Variants in NOTCH2NLC observed in about 807,000 individuals in gnomAD.
The protein encoded by NOTCH2NLC is notch 2 N-terminal like C.
In NOTCH2NLC, 4 loss-of-function variants were observed where a neutral mutation model predicts 17.7. The ratio of observed to expected loss-of-function variants is 0.23; its 90% CI spans 0.11 to 0.52. The LOEUF is 0.52. NOTCH2NLC is among the 20% of genes least tolerant of loss of function. NOTCH2NLC has a pLI of 0.96. For missense variants in NOTCH2NLC, 57 were observed against 207.2 expected (o/e 0.28, Z 4.45); for synonymous variants, 18 against 86.0 (o/e 0.21, Z 4.38).
At chr1:149,444,814 G>T (rs1447984498) in intron 2 of NOTCH2NLC, among the ~76,000 whole-genome samples, 1 of 138,874 alleles carries the variant, frequency 7.2e-6, no homozygotes, top group Non-Finnish European at 1.6e-5. Flanking sequence ...TAAGGCCCTA[G>T]AAAAACTACA....
chr1:149,401,147 C>CT (rs2084244547), intron 1 of NOTCH2NLC, among the ~76,000 whole-genome samples: 1 of 147,094 alleles, frequency 6.8e-6, no homozygotes, highest in Non-Finnish European at 1.5e-5. Context: ...GAGTAGATTG[C>CT]TTTTTTTCCA....
intron 1 of NOTCH2NLC, among the ~76,000 whole-genome samples, chr1:149,392,781 TTAAG>T (rs1439501918): frequency 6.6e-6 from 1 of 151,118 alleles, no homozygotes; most frequent in Non-Finnish European, 1.5e-5. Flanking sequence ...ATTTGAAAAA[TTAAG>T]TATTGGCCGG....
intron 1 of NOTCH2NLC, among the ~76,000 whole-genome samples, chr1:149,426,498 G>C (rs1463720839): frequency 7.9e-6 from 1 of 126,300 alleles, no homozygotes; most frequent in Non-Finnish European, 1.7e-5. Flanking sequence ...TATGAAAATT[G>C]GAAATTGGCT....
At chr1:149,421,465 C>T (rs1205910209) in intron 1 of NOTCH2NLC, among the ~76,000 whole-genome samples, 1 of 141,268 alleles carries the variant, frequency 7.1e-6, no homozygotes, top group Non-Finnish European at 1.5e-5. Context: ...CGCCACTGCA[C>T]TCCAGCCTGG....
intron 1 of NOTCH2NLC, among the ~76,000 whole-genome samples, chr1:149,415,083 T>C (rs1434265300): frequency 9.0e-6 from 1 of 111,162 alleles, no homozygotes; most frequent in Non-Finnish European, 1.8e-5. Context: ...GATGATTAGT[T>C]TGGTTCATAA....
intron 3 of NOTCH2NLC, among the ~76,000 whole-genome samples, chr1:149,460,331 AC>A (rs2084635051): frequency 7.7e-6 from 1 of 130,180 alleles, no homozygotes; most frequent in Admixed American, 7.7e-5. Context: ...GATTCTGATC[AC>A]CTTTTTTTTT....
In NOTCH2NLC at chr1:149,464,919, G is replaced by C. The variant is rs2084676248; in HGVS notation, c.*766G>C. On this transcript the variant is annotated 3_prime_UTR_variant, in exon 5 of 5. Transcript: ENST00000650865. ...ATGGGATTGTGTGTTTTATTTTGGA[G>C]GAATTAAAGGTCATAGTTTGGTCCT... 6.8e-6 allele frequency: 1 copy of C among 147,962 alleles called. No individual in the cohort carries two copies. The highest frequency in any genetic ancestry group is 2.5e-5 in the African/African-American group (1 of 40,294). 9.2% of individuals were successfully genotyped at this position (147,962 alleles called of 1,614,324 possible). A position where few individuals can be genotyped will look rare whatever the true frequency, so the allele number is the denominator to read the frequency against.
At chr1:149,419,853 ATATTTTTT>A (rs2084369041) in intron 1 of NOTCH2NLC, among the ~76,000 whole-genome samples, 1 of 110,910 alleles carries the variant, frequency 9.0e-6, no homozygotes, top group African/African-American at 3.6e-5. Flanking sequence ...ATATATATAT[ATATTTTTT>A]TTTTTTTTTT....
rs2084717623 is a variant in NOTCH2NLC at position 149,471,289 on chromosome 1, TTGA to T, written c.*7141_*7143del. ...TTCTATGTACTGTCTTTTCACATTC[TTGA>T]TGATATACTTTTCAGCCCAAATGTT... On this transcript the variant is annotated 3_prime_UTR_variant, in exon 5 of 5. Transcript: ENST00000650865. 6.6e-6 allele frequency among the ~76,000 whole-genome samples: 1 copy of T among 151,014 alleles called. No individual in the cohort carries two copies. The highest frequency in any genetic ancestry group is 2.4e-5 in the African/African-American group (1 of 41,132).
chr1:149,392,593 A>G (rs2084175369), intron 1 of NOTCH2NLC, among the ~76,000 whole-genome samples: 1 of 151,048 alleles, frequency 6.6e-6, no homozygotes, highest in Non-Finnish European at 1.5e-5. Flanking sequence ...TAGCTTTAGG[A>G]TAGAGAGGAG....
Position 149,445,842 on chromosome 1 carries a change from A to G in NOTCH2NLC, c.210-9476A>G, listed in dbSNP as rs1424664099. Among the ~76,000 whole-genome samples the G allele has an allele frequency of 1.8e-3, 224 of 126,802 alleles. 4 individuals carry two copies. Among genetic ancestry groups the G allele is most frequent in the Middle Eastern group, 9.4e-3 (2 of 212 alleles). 83.2% of individuals were successfully genotyped at this position (126,802 alleles called of 152,430 possible). On this transcript the variant is annotated intron_variant, in intron 2 of 4. Coordinates refer to ENST00000650865, the MANE Select transcript of NOTCH2NLC (RefSeq NM_001364013.2). The stretch of plus-strand genomic sequence containing the variant: ...AGCATGCCTCTCTTTTTCTTCTTGT[A>G]TGTGGTGGGGTTTTGCTTTGTTGTT...
At chr1:149,438,186 TA>T (rs1425725749) in intron 2 of NOTCH2NLC, among the ~76,000 whole-genome samples, 2 of 144,164 alleles carry the variant, frequency 1.4e-5, no homozygotes, top group Non-Finnish European at 3.1e-5. Context: ...CTGCTTTATG[TA>T]ATTTCTAAAT....
chr1:149,433,880 G>A lies in NOTCH2NLC; in HGVS notation c.209+2865G>A, dbSNP rs1457541134. Among the ~76,000 whole-genome samples the A allele has an allele frequency of 2.9e-4, 44 of 150,584 alleles. 1 individual carries two copies. Among genetic ancestry groups the A allele is most frequent in the African/African-American group, 7.8e-4 (32 of 41,032 alleles). On this transcript the variant is annotated intron_variant, in intron 2 of 4. Transcript: ENST00000650865. The stretch of plus-strand genomic sequence containing the variant: ...GGAGAATGGCCTGAACCCAGGAGGC[G>A]GAGCTTGCAGTGAGCCAAGATTGCA...
intron 1 of NOTCH2NLC, among the ~76,000 whole-genome samples, chr1:149,402,078 A>T (rs1230993814): frequency 2.1e-5 from 3 of 145,220 alleles, no homozygotes; most frequent in East Asian, 2.0e-4. Context: ...TTGTGGCTTG[A>T]TTTTTCTTTT....
chr1:149,412,829 AAAC>A (rs1206619957), intron 1 of NOTCH2NLC, among the ~76,000 whole-genome samples: 1 of 146,720 alleles, frequency 6.8e-6, no homozygotes, highest in African/African-American at 2.5e-5. Context: ...AAAAAAAAAA[AAAC>A]CAAGGTAAAG....
intron 3 of NOTCH2NLC, among the ~76,000 whole-genome samples, chr1:149,461,898 C>A (rs1162333124): frequency 7.0e-6 from 1 of 142,012 alleles, no homozygotes; most frequent in Admixed American, 7.1e-5. Flanking sequence ...AACCAAACAC[C>A]GCATGTTCTC....
At chr1:149,462,666 C>T (rs2084656664) in intron 3 of NOTCH2NLC, among the ~76,000 whole-genome samples, 1 of 148,090 alleles carries the variant, frequency 6.8e-6, no homozygotes, top group African/African-American at 2.5e-5. Flanking sequence ...GGAGACCCAA[C>T]CCTGCCAGTG....
intron 1 of NOTCH2NLC, among the ~76,000 whole-genome samples, chr1:149,398,113 T>C (rs1484114638): frequency 6.6e-6 from 1 of 150,988 alleles, no homozygotes; most frequent in Non-Finnish European, 1.5e-5. Context: ...GTCTTGGGAG[T>C]AAACTTCAGG....
chr1:149,463,289 T>C, intron 3 of NOTCH2NLC, among the ~76,000 whole-genome samples: 1 of 149,802 alleles, frequency 6.7e-6, no homozygotes, highest in East Asian at 2.0e-4. Flanking sequence ...TGAGTCCTTG[T>C]GTCTCTGCTG....
Sources: allele counts gnomAD v4.1 joint callset (sites outside exome capture counted in the v4.1 genomes callset), GRCh38; gene constraint gnomAD v4.1.1; transcripts MANE v1.5; gene names NCBI Gene and HGNC (gene_info 2026-07-23, HGNC 2026-07-21).